Variants in CAB39 observed in about 807,000 individuals in gnomAD.
The protein encoded by CAB39 is calcium binding protein 39.
In CAB39, 8 loss-of-function variants were observed where a neutral mutation model predicts 40.0. The ratio of observed to expected loss-of-function variants is 0.20; its 90% CI spans 0.12 to 0.36. The LOEUF (loss-of-function observed/expected upper bound fraction) is 0.36, where lower values mean the gene tolerates loss of function less well. CAB39 is among the 10% of genes least tolerant of loss of function. CAB39 has a pLI of 1.00. For missense variants in CAB39, 270 were observed against 401.1 expected (o/e 0.67, Z 2.79); for synonymous variants, 156 against 141.6 (o/e 1.10, Z -0.72).
intron 1 of CAB39, among the ~76,000 whole-genome samples, chr2:230,730,836 GA>G (rs1200009017): frequency 1.3e-5 from 2 of 152,108 alleles, no homozygotes. Flanking sequence ...AAAAATGTGT[GA>G]AAAAAATTTG....
chr2:230,744,199 G>A (rs553545551), intron 1 of CAB39, among the ~76,000 whole-genome samples: 8 of 152,106 alleles, frequency 5.3e-5, no homozygotes, highest in African/African-American at 1.4e-4. Flanking sequence ...GATTACAGGC[G>A]TGAGCCACCG....
At chr2:230,740,275 T>A (rs1694854136) in intron 1 of CAB39, among the ~76,000 whole-genome samples, 1 of 152,222 alleles carries the variant, frequency 6.6e-6, no homozygotes. Flanking sequence ...CTATTCATAC[T>A]TTTAATAGGA....
chr2:230,744,782 A>G (rs1013268142), intron 1 of CAB39, among the ~76,000 whole-genome samples: 4 of 152,236 alleles, frequency 2.6e-5, no homozygotes, highest in South Asian at 4.1e-4. Context: ...AAATTTGACA[A>G]TAGTAGTATG....
intron 4 of CAB39, among the ~76,000 whole-genome samples, chr2:230,796,125 G>A (rs1175223300): frequency 6.6e-6 from 1 of 152,108 alleles, no homozygotes; most frequent in Non-Finnish European, 1.5e-5. Flanking sequence ...CATTTTGTAC[G>A]AGTCCTGCCA....
intron 7 of CAB39, among the ~76,000 whole-genome samples, chr2:230,814,803 C>T (rs939909639): frequency 2.0e-5 from 3 of 152,108 alleles, no homozygotes; most frequent in East Asian, 1.9e-4. Flanking sequence ...GTTTGCTGAC[C>T]CCTGCTGTAG....
Position 230,818,721 on chromosome 2 carries a change from A to G in CAB39, c.*17A>G, listed in dbSNP as rs769658301. On this transcript the variant is annotated 3_prime_UTR_variant, in exon 9 of 9. Transcript: ENST00000258418. ...GAAGCTTAATCTCCAATAAACATCT[A>G]TGTTAAATCCAAATTCAGCATTTGC... The G allele has an allele frequency of 1.2e-5, 19 of 1,599,020 alleles. No homozygotes were observed. The highest frequency in any genetic ancestry group is 4.5e-5 in the East Asian group (2 of 44,702).
chr2:230,721,123 T>C (rs1694444931), intron 1 of CAB39, among the ~76,000 whole-genome samples: 1 of 152,212 alleles, frequency 6.6e-6, no homozygotes, highest in African/African-American at 2.4e-5. Flanking sequence ...ATGATACAGC[T>C]GTGTGGTAGT....
chr2:230,746,274 T>A (rs1415969945), intron 1 of CAB39, among the ~76,000 whole-genome samples: 2 of 152,166 alleles, frequency 1.3e-5, no homozygotes, highest in African/African-American at 2.4e-5. Context: ...TTAGTTACCA[T>A]GGGAGCTAGA....
intron 1 of CAB39, among the ~76,000 whole-genome samples, chr2:230,719,416 A>G (rs781267550): frequency 6.6e-6 from 1 of 152,204 alleles, no homozygotes; most frequent in Non-Finnish European, 1.5e-5. Context: ...TTGAATTAGT[A>G]TTTTAGAATG....
intron 7 of CAB39, among the ~76,000 whole-genome samples, chr2:230,816,296 T>C (rs568725774): frequency 2.6e-5 from 4 of 152,292 alleles, no homozygotes; most frequent in Admixed American, 2.0e-4. Context: ...AATTACATAT[T>C]TGAAGTCATC....
intron 6 of CAB39, 80 bp downstream of exon 6, chr2:230,810,402 G>T: frequency 1.8e-6 from 1 of 557,946 alleles, no homozygotes; most frequent in Non-Finnish European, 3.2e-6. Context: ...TTAGGTTTTT[G>T]TACTAGAATA....
At chr2:230,763,124 G>A (rs1440468038) in intron 2 of CAB39, among the ~76,000 whole-genome samples, 1 of 152,118 alleles carries the variant, frequency 6.6e-6, no homozygotes, top group African/African-American at 2.4e-5. Flanking sequence ...TAAATAATGT[G>A]TTTTAATGAA....
chr2:230,791,568 C>G (rs535419135), intron 3 of CAB39, among the ~76,000 whole-genome samples: 2 of 152,296 alleles, frequency 1.3e-5, no homozygotes, highest in South Asian at 4.1e-4. Context: ...TATACACGGT[C>G]TGAATTTCTG....
intron 1 of CAB39, among the ~76,000 whole-genome samples, chr2:230,753,574 G>C (rs187419101): frequency 1.6e-4 from 25 of 152,068 alleles, no homozygotes; most frequent in African/African-American, 6.0e-4. Flanking sequence ...CCAACATGGT[G>C]AAACCCCGTC....
intron 2 of CAB39, among the ~76,000 whole-genome samples, chr2:230,774,652 G>A (rs1695553709): frequency 6.6e-6 from 1 of 152,146 alleles, no homozygotes; most frequent in South Asian, 2.1e-4. Flanking sequence ...GGGTTGAATA[G>A]CTATATTCAC....
At chr2:230,817,220 C>T (rs1174331494) in intron 7 of CAB39, among the ~76,000 whole-genome samples, 1 of 152,208 alleles carries the variant, frequency 6.6e-6, no homozygotes, top group Non-Finnish European at 1.5e-5. Flanking sequence ...AAAATACTCA[C>T]TTGTGTAAAC....
chr2:230,796,182 T>G (rs1695983170), intron 4 of CAB39, among the ~76,000 whole-genome samples: 1 of 152,212 alleles, frequency 6.6e-6, no homozygotes, highest in Non-Finnish European at 1.5e-5. Context: ...AACTGCATTT[T>G]AAGATTTTTG....
chr2:230,808,076 CT>C (rs1553678088), intron 5 of CAB39, among the ~76,000 whole-genome samples: 197 of 110,802 alleles, frequency 1.8e-3, no homozygotes, highest in Non-Finnish European at 2.5e-3. Flanking sequence ...CTTTTCTTTT[CT>C]TTTTTTTTTT....
chr2:230,768,122 T>A (rs1369499159), intron 2 of CAB39, among the ~76,000 whole-genome samples: 1 of 152,210 alleles, frequency 6.6e-6, no homozygotes, highest in Admixed American at 6.5e-5. Flanking sequence ...GAGTTACTAA[T>A]AACATGAAAC....
Sources: gnomAD v4.1 joint callset for allele counts (sites outside exome capture counted in the v4.1 genomes callset) on GRCh38, gnomAD v4.1.1 for gene constraint, MANE v1.5 for transcripts, NCBI Gene and HGNC (gene_info 2026-07-23, HGNC 2026-07-21) for gene names.